Variants in TASP1 observed in about 807,000 individuals in gnomAD.
TASP1 encodes threonine aspartase 1.
Under a neutral mutation model 56.6 loss-of-function variants are expected in TASP1, and 16 were observed. That is an observed-to-expected ratio of 0.28 (90% CI 0.19 to 0.43). TASP1 has a LOEUF of 0.43. Ranked by LOEUF, TASP1 falls within the 20% of genes least tolerant of loss-of-function variation. The probability of loss-of-function intolerance (pLI) is 1.00; values close to 1 mark genes in which losing one functional copy is unlikely to be tolerated. For synonymous variants in TASP1, 179 were observed against 184.2 expected (o/e 0.97, Z 0.23); for missense variants, 393 against 511.6 (o/e 0.77, Z 2.24).
chr20:13,390,503 T>C, intron 13 of TASP1, 51 bp from the exon 14 acceptor site: 3 of 1,542,758 alleles, frequency 1.9e-6, no homozygotes, highest in Non-Finnish European at 2.7e-6. Context: ...CGGTGTCCCT[T>C]GCCACACCCC....
intron 4 of TASP1, among the ~76,000 whole-genome samples, chr20:13,620,093 A>G (rs1047244485): frequency 1.3e-5 from 2 of 152,192 alleles, no homozygotes; most frequent in African/African-American, 4.8e-5. Context: ...AAATGAAGAA[A>G]ACACCTCATT....
At chr20:13,238,233 T>C in the TASP1 span, 5 of 152,180 alleles carry the variant, frequency 3.3e-5, no homozygotes, top group Non-Finnish European at 7.4e-5. Context: ...CTGAGAGACT[T>C]CTACTGGACA....
chr20:13,541,305 C>A (rs2045612128), intron 8 of TASP1, among the ~76,000 whole-genome samples: 1 of 152,056 alleles, frequency 6.6e-6, no homozygotes, highest in African/African-American at 2.4e-5. Context: ...GGTATAATAT[C>A]CTCAAAGAAA....
the TASP1 span, among the ~76,000 whole-genome samples, chr20:13,255,473 A>C: frequency 6.6e-6 from 1 of 152,188 alleles, no homozygotes; most frequent in African/African-American, 2.4e-5. Flanking sequence ...TATATGGTAG[A>C]GAAGTAATGA....
intron 10 of TASP1, among the ~76,000 whole-genome samples, chr20:13,498,181 T>G (rs543131722): frequency 7.4e-4 from 113 of 152,014 alleles, no homozygotes; most frequent in Non-Finnish European, 1.4e-3. Context: ...AGACAGACAA[T>G]CCACACAATG....
chr20:13,187,893 C>T, the TASP1 span, among the ~76,000 whole-genome samples: 1 of 151,974 alleles, frequency 6.6e-6, no homozygotes, highest in African/African-American at 2.4e-5. Context: ...TTGAGTATGT[C>T]CACTCCAAAA....
chr20:13,223,556 G>A, the TASP1 span, among the ~76,000 whole-genome samples: 1 of 152,166 alleles, frequency 6.6e-6, no homozygotes, highest in Non-Finnish European at 1.5e-5. Flanking sequence ...CTAAAGCAAG[G>A]TGATTATTGC....
At chr20:13,465,173 T>A (rs1600879138) in intron 11 of TASP1, among the ~76,000 whole-genome samples, 2 of 86,938 alleles carry the variant, frequency 2.3e-5, no homozygotes, top group South Asian at 4.0e-4. Flanking sequence ...CCCCTTTCTC[T>A]CTCCCAAAAA....
At chr20:13,220,281 G>C in the TASP1 span, among the ~76,000 whole-genome samples, 2 of 152,208 alleles carry the variant, frequency 1.3e-5, no homozygotes, top group Non-Finnish European at 2.9e-5. Context: ...GGAGGGAAGT[G>C]CGCGGTGCCA....
chr20:13,242,860 T>C, the TASP1 span, among the ~76,000 whole-genome samples: 1 of 152,224 alleles, frequency 6.6e-6, no homozygotes, highest in African/African-American at 2.4e-5. Flanking sequence ...CACCTGATTT[T>C]ATCTACTTGT....
chr20:13,629,821 C>T, intron 2 of TASP1, 113 bp downstream of exon 2: 1 of 1,498,466 alleles, frequency 6.7e-7, no homozygotes, highest in Non-Finnish European at 9.1e-7. Flanking sequence ...CTTCCAATTC[C>T]TCTCTGGCAG....
intron 6 of TASP1, among the ~76,000 whole-genome samples, chr20:13,576,456 T>C (rs1037643740): frequency 7.2e-5 from 11 of 152,146 alleles, no homozygotes; most frequent in East Asian, 1.9e-4. Flanking sequence ...CAAATTCCCA[T>C]GATAGAATGT....
chr20:13,110,288 C>A, the TASP1 span: 3 of 1,259,536 alleles, frequency 2.4e-6, no homozygotes, highest in Non-Finnish European at 3.4e-6. Flanking sequence ...GAAAGGCTCA[C>A]CTTTCCTAGC....
At chr20:13,624,055 TAC>T (rs1191783918) in intron 3 of TASP1, among the ~76,000 whole-genome samples, 1 of 152,140 alleles carries the variant, frequency 6.6e-6, no homozygotes, top group Admixed American at 6.6e-5. Context: ...TAATATAAAC[TAC>T]ACAGACTAAA....
chr20:13,516,259 C>T (rs978020009), intron 10 of TASP1, among the ~76,000 whole-genome samples: 1 of 152,054 alleles, frequency 6.6e-6, no homozygotes, highest in African/African-American at 2.4e-5. Context: ...GCCTTGAGTC[C>T]AGCAAGGGCC....
chr20:13,368,108 A>AT, the TASP1 span, among the ~76,000 whole-genome samples: 1 of 149,894 alleles, frequency 6.7e-6, no homozygotes, highest in Admixed American at 6.6e-5. Context: ...AGAGCTGCCT[A>AT]TTATATTGGC....
intron 12 of TASP1, among the ~76,000 whole-genome samples, chr20:13,431,478 G>A (rs1354690160): frequency 6.6e-6 from 1 of 152,124 alleles, no homozygotes; most frequent in Non-Finnish European, 1.5e-5. Context: ...TCTTGATGCT[G>A]TTAATGCTGG....
chr20:13,199,012 C>A, the TASP1 span, among the ~76,000 whole-genome samples: 1 of 151,482 alleles, frequency 6.6e-6, no homozygotes, highest in African/African-American at 2.4e-5. Context: ...CTCAAACAAT[C>A]CTCCCCTCTC....
chr20:13,333,596 T>G, the TASP1 span, among the ~76,000 whole-genome samples: 1 of 152,320 alleles, frequency 6.6e-6, no homozygotes, highest in East Asian at 1.9e-4. Flanking sequence ...GTTTCATACC[T>G]AAGCTACGAT....
Sources: allele counts gnomAD v4.1 joint callset (sites outside exome capture counted in the v4.1 genomes callset), GRCh38; gene constraint gnomAD v4.1.1; transcripts MANE v1.5; gene names NCBI Gene and HGNC (gene_info 2026-07-23, HGNC 2026-07-21).